STAU2: variants seen among roughly 807,000 people sequenced by gnomAD.
STAU2 encodes double-stranded RNA-binding protein Staufen homolog 2.
Under a neutral mutation model 65.9 loss-of-function variants are expected in STAU2, and 20 were observed. That is an observed-to-expected ratio of 0.30 (90% CI 0.21 to 0.44). STAU2 has a LOEUF of 0.44. Among genes scored for constraint, STAU2 ranks in the 20% least tolerant of loss-of-function variants. STAU2 has a pLI of 1.00. For missense variants in STAU2, 558 were observed against 683.9 expected, an observed-to-expected ratio of 0.82 and a Z score of 2.05; for synonymous variants, 232 against 233.9, an observed-to-expected ratio of 0.99 and a Z score of 0.07.
At chr8:73,466,448 A>T (rs1819659608) in intron 13 of STAU2, among the ~76,000 whole-genome samples, 1 of 152,208 alleles carries the variant, frequency 6.6e-6, no homozygotes, top group South Asian at 2.1e-4. Context: ...GCAGGATGAA[A>T]GAAATAATCC....
intron 13 of STAU2, among the ~76,000 whole-genome samples, chr8:73,474,127 T>A (rs1820188780): frequency 6.6e-6 from 1 of 151,962 alleles, no homozygotes; most frequent in South Asian, 2.1e-4. Flanking sequence ...GTGGTCTAAA[T>A]GGTTAAAAAA....
intron 4 of STAU2, among the ~76,000 whole-genome samples, chr8:73,702,307 A>G (rs981216206): frequency 3.3e-5 from 5 of 152,162 alleles, no homozygotes; most frequent in Admixed American, 2.6e-4. Context: ...TTATGTGATT[A>G]TTATGCATTG....
chr8:73,492,784 GA>G (rs1821213854), intron 13 of STAU2, among the ~76,000 whole-genome samples: 1 of 151,942 alleles, frequency 6.6e-6, no homozygotes, highest in East Asian at 1.9e-4. Flanking sequence ...ATAGAATGCT[GA>G]GGAGATAATT....
chr8:73,563,359 A>G (rs1322531471), intron 12 of STAU2, among the ~76,000 whole-genome samples: 1 of 152,152 alleles, frequency 6.6e-6, no homozygotes, highest in East Asian at 1.9e-4. Flanking sequence ...GAGAGAATAA[A>G]GGAGAATCAG....
At chr8:73,655,047 C>T (rs1308363378) in intron 6 of STAU2, among the ~76,000 whole-genome samples, 2 of 152,186 alleles carry the variant, frequency 1.3e-5, no homozygotes, top group African/African-American at 4.8e-5. Context: ...AAAATGTACA[C>T]CTCTTCTGCA....
At position 73,673,102 on chromosome 8, in the gene STAU2, C is replaced by A; in HGVS notation, c.410+5G>T. ...TAAGAACAAAACCAAAAAAGACATACAAACCTCTGATTGTACATGCCCCGA... is the reference window on the plus strand; with the variant it reads ...TAAGAACAAAACCAAAAAAGACATAAAAACCTCTGATTGTACATGCCCCGA... On this transcript the variant is annotated splice_donor_5th_base_variant and intron_variant, in intron 6 of 14. Coordinates refer to ENST00000524300, the MANE Select transcript of STAU2 (RefSeq NM_001164380.2). 6.4e-7 allele frequency: 1 copy of A among 1,554,714 alleles called. No homozygotes were observed. The highest frequency in any genetic ancestry group is 8.7e-7 in the Non-Finnish European group (1 of 1,153,144).
intron 6 of STAU2, among the ~76,000 whole-genome samples, chr8:73,622,796 T>C (rs923810303): frequency 3.3e-5 from 5 of 152,296 alleles, no homozygotes; most frequent in East Asian, 1.9e-4. Context: ...TCAGATCAAA[T>C]AGACACAAGT....
intron 3 of STAU2, among the ~76,000 whole-genome samples, chr8:73,733,516 A>G (rs2130759581): frequency 6.6e-6 from 1 of 152,346 alleles, no homozygotes; most frequent in South Asian, 2.1e-4. Flanking sequence ...GGTAAATATT[A>G]TGGTACCCCA....
At chr8:73,571,442 A>T (rs1195801681) in intron 12 of STAU2, among the ~76,000 whole-genome samples, 1 of 152,234 alleles carries the variant, frequency 6.6e-6, no homozygotes, top group Non-Finnish European at 1.5e-5. Flanking sequence ...AACAGAATAT[A>T]CATTCTTCTC....
At chr8:73,437,336 C>G (rs1481714474) in intron 13 of STAU2, among the ~76,000 whole-genome samples, 1 of 152,214 alleles carries the variant, frequency 6.6e-6, no homozygotes, top group Non-Finnish European at 1.5e-5. Context: ...CCTTTCCCAG[C>G]TGAGGACAGA....
chr8:73,457,528 C>G (rs1461393709), intron 13 of STAU2, among the ~76,000 whole-genome samples: 1 of 152,178 alleles, frequency 6.6e-6, no homozygotes, highest in African/African-American at 2.4e-5. Context: ...TACTTTCCAG[C>G]CTAAGAGATT....
chr8:73,649,643 GCT>G (rs1206275804), intron 6 of STAU2, among the ~76,000 whole-genome samples: 3 of 151,636 alleles, frequency 2.0e-5, no homozygotes, highest in Non-Finnish European at 2.9e-5. Context: ...CTTTAATACT[GCT>G]CACTAAGCTT....
At chr8:73,622,496 C>T (rs566148386) in intron 6 of STAU2, among the ~76,000 whole-genome samples, 1 of 152,114 alleles carries the variant, frequency 6.6e-6, no homozygotes, top group African/African-American at 2.4e-5. Flanking sequence ...CCCAAGGTCA[C>T]CTTAAGAGGT....
intron 4 of STAU2, among the ~76,000 whole-genome samples, chr8:73,699,630 A>C: frequency 6.6e-6 from 1 of 152,108 alleles, no homozygotes; most frequent in East Asian, 1.9e-4. Flanking sequence ...AAGAAATCCA[A>C]AACCTGAGCA....
chr8:73,706,443 G>A (rs559508163), intron 4 of STAU2, among the ~76,000 whole-genome samples: 2 of 151,978 alleles, frequency 1.3e-5, no homozygotes, highest in Admixed American at 1.3e-4. Context: ...GTTGAAACTA[G>A]GTTTAAATTT....
chr8:73,665,849 T>C lies in STAU2; in HGVS notation c.410+7258A>G, dbSNP rs913054301. Among the ~76,000 whole-genome samples the C allele has an allele frequency of 5.9e-5, 9 of 152,144 alleles. 1 individual carries two copies. The East Asian group carries it at 1.3e-3, about 23-fold the overall frequency. On this transcript the variant is annotated intron_variant, in intron 6 of 14. Coordinates refer to ENST00000524300, the MANE Select transcript of STAU2 (RefSeq NM_001164380.2). ...AAGTCCCTGATATAAAATATTAATA[T>C]TTTAATATTTGCATATAACCTATGC...
intron 13 of STAU2, among the ~76,000 whole-genome samples, chr8:73,482,639 G>T (rs1820693165): frequency 6.6e-6 from 1 of 152,086 alleles, no homozygotes; most frequent in African/African-American, 2.4e-5. Flanking sequence ...ATTTTTAACA[G>T]AAGTCTTTTA....
intron 9 of STAU2, among the ~76,000 whole-genome samples, chr8:73,610,894 G>A (rs28714211): frequency 0.095 from 14,464 of 152,240 alleles, 815 homozygotes; most frequent in African/African-American, 0.15. Context: ...GGGCACTGGA[G>A]TCAGATGTGA....
At chr8:73,560,912 T>C (rs1808179990) in intron 12 of STAU2, among the ~76,000 whole-genome samples, 1 of 152,198 alleles carries the variant, frequency 6.6e-6, no homozygotes, top group South Asian at 2.1e-4. Flanking sequence ...TGGCTGCTAT[T>C]TTTTCTTTAA....
Sources: gnomAD v4.1 joint callset for allele counts (sites outside exome capture counted in the v4.1 genomes callset) on GRCh38, gnomAD v4.1.1 for gene constraint, MANE v1.5 for transcripts, NCBI Gene and HGNC (gene_info 2026-07-23, HGNC 2026-07-21) for gene names.